Variants in MACROD2 observed in about 807,000 individuals in gnomAD.
MACROD2 encodes the protein mono-ADP ribosylhydrolase 2.
In MACROD2, 36 loss-of-function variants were observed where a neutral mutation model predicts 70.4. The observed-to-expected ratio is 0.51, with a 90% CI of 0.39 to 0.68. The LOEUF is 0.68. Ranked by LOEUF, MACROD2 falls within the 30% of genes least tolerant of loss-of-function variation. MACROD2 has a pLI of 0.00. For missense variants in MACROD2, 496 were observed against 538.4 expected (o/e 0.92, Z 0.78); for synonymous variants, 172 against 178.8 (o/e 0.96, Z 0.30).
chr20:15,574,825 G>C (rs571465482), intron 8 of MACROD2, among the ~76,000 whole-genome samples: 28 of 152,232 alleles, frequency 1.8e-4, no homozygotes, highest in East Asian at 1.5e-3. Context: ...TGAGCAAATG[G>C]CTGCATTTGT....
intron 6 of MACROD2, among the ~76,000 whole-genome samples, chr20:15,338,685 G>C (rs550356503): frequency 6.8e-6 from 1 of 147,684 alleles, no homozygotes; most frequent in Admixed American, 6.8e-5. Flanking sequence ...AACAGGCCTA[G>C]GGGGGTAAGT....
intron 8 of MACROD2, among the ~76,000 whole-genome samples, chr20:15,500,807 C>T (rs373598489): frequency 2.4e-4 from 36 of 152,280 alleles, no homozygotes; most frequent in African/African-American, 8.2e-4. Context: ...TTGTTGACCA[C>T]GTGGCCAAAC....
rs1357498719 is a variant in MACROD2 at position 15,862,774 on chromosome 20, A to T, written c.675A>T (p.Leu225Phe). 6.2e-7 allele frequency: 1 copy of T among 1,612,840 alleles called. No individual in the cohort carries two copies. Among genetic ancestry groups the T allele is most frequent in the Non-Finnish European group, 8.5e-7 (1 of 1,179,540 alleles). Residue 225 changes from leucine to phenylalanine, a missense_variant, in exon 9 of 18, where the codon TTA (leucine) becomes TTT (phenylalanine). Physicochemically the swap from Leu to Phe is conservative, Grantham distance 22 (BLOSUM62 0). Coordinates refer to ENST00000684519, the MANE Select transcript of MACROD2 (RefSeq NM_001351661.2). ...EVDRIIFCVF[L>F]EVDFKIYKKK... ...ATCGGATCATTTTCTGTGTCTTCTT[A>T]GAAGTTGACTTCAAAATCTACAAAA... is the stretch of plus-strand genomic sequence containing the variant.
At chr20:14,072,888 C>T (rs1419541513) in intron 2 of MACROD2, among the ~76,000 whole-genome samples, 2 of 148,896 alleles carry the variant, frequency 1.3e-5, no homozygotes, top group South Asian at 2.1e-4. Context: ...GAGCTGAGAT[C>T]GCATCACTGC....
intron 8 of MACROD2, among the ~76,000 whole-genome samples, chr20:15,832,354 G>A (rs1422175627): frequency 6.6e-6 from 1 of 152,128 alleles, no homozygotes; most frequent in Admixed American, 6.5e-5. Flanking sequence ...AAAGAAGACA[G>A]CCAAGTGGGA....
intron 5 of MACROD2, among the ~76,000 whole-genome samples, chr20:15,056,282 C>T (rs540908503): frequency 1.9e-4 from 29 of 152,288 alleles, no homozygotes; most frequent in African/African-American, 5.8e-4. Context: ...AACTTCGCCT[C>T]GTCCTGGCTA....
chr20:15,204,987 A>G (rs1480540186), intron 5 of MACROD2, among the ~76,000 whole-genome samples: 1 of 152,114 alleles, frequency 6.6e-6, no homozygotes, highest in Non-Finnish European at 1.5e-5. Flanking sequence ...ACCTTTAATT[A>G]CTCTACAGAT....
chr20:15,653,035 A>C (rs1166266245), intron 8 of MACROD2, among the ~76,000 whole-genome samples: 16 of 152,190 alleles, frequency 1.1e-4, no homozygotes. Flanking sequence ...GGAAAGATCT[A>C]AAAGATAATA....
rs572327134 is a variant in MACROD2 at position 16,012,561 on chromosome 20, G to A, written c.1153+25403G>A. Among the ~76,000 whole-genome samples, 66 of 152,266 alleles carry A rather than the reference G, an allele frequency of 4.3e-4. 1 individual carries two copies. The highest frequency in any genetic ancestry group is 8.5e-4 in the Admixed American group (13 of 15,298). ...TCTCAGGATGACGTTGGCCTTTCCCGCTTCTCAATGACTACAATGGTAATC... is the reference window on the plus strand; with the variant it reads ...TCTCAGGATGACGTTGGCCTTTCCCACTTCTCAATGACTACAATGGTAATC... On this transcript the variant is annotated intron_variant, in intron 15 of 17. Coordinates refer to ENST00000684519, the MANE Select transcript of MACROD2 (RefSeq NM_001351661.2).
At chr20:14,916,437 A>C (rs898318288) in intron 5 of MACROD2, among the ~76,000 whole-genome samples, 2 of 152,168 alleles carry the variant, frequency 1.3e-5, no homozygotes, top group Admixed American at 1.3e-4. Context: ...GCCAGTTACT[A>C]TCAGTGGGAC....
rs184924266 is a variant in MACROD2, at chr20:14,995,404, G to A, written c.419-234536G>A. Among the ~76,000 whole-genome samples, 26 of 152,042 alleles carry A rather than the reference G, an allele frequency of 1.7e-4. No individual in the cohort carries two copies. In the East Asian group the frequency reaches 3.9e-3, roughly 23 times the overall value. On this transcript the variant is annotated intron_variant, in intron 5 of 17. Coordinates refer to ENST00000684519, the MANE Select transcript of MACROD2 (RefSeq NM_001351661.2). ...CTAAATAGCCATATGGGTCAGGTGC[G>A]GTGGCTCACACCTGTAATCCCCACA...
chr20:15,153,304 T>G lies in MACROD2; in HGVS notation c.419-76636T>G, dbSNP rs368043949. On this transcript the variant is annotated intron_variant, in intron 5 of 17. Coordinates refer to ENST00000684519, the MANE Select transcript of MACROD2 (RefSeq NM_001351661.2). ...ATTTTATAGGATTTGGGTAGGTAAA[T>G]GAAAAAGGGGGGTTGTTCTCTGGCA... 2.0e-3 allele frequency among the ~76,000 whole-genome samples: 300 copies of G among 151,122 alleles called. 1 individual carries two copies. The highest frequency in any genetic ancestry group is 7.9e-3 in the South Asian group (38 of 4,792).
chr20:14,260,395 T>C (rs990850086), intron 3 of MACROD2, among the ~76,000 whole-genome samples: 1 of 152,244 alleles, frequency 6.6e-6, no homozygotes, highest in Non-Finnish European at 1.5e-5. Flanking sequence ...TAATGTCATG[T>C]CTGCCTTTCT....
Position 14,558,564 on chromosome 20 carries a change from G to A in MACROD2, c.301+65056G>A, listed in dbSNP as rs532234325. ...TATATTCTTACCGATAAACTTCAGA[G>A]GAGAGAAACATTATTAGAGCTAAAG... is the stretch of plus-strand genomic sequence containing the variant. On this transcript the variant is annotated intron_variant, in intron 4 of 17. Transcript: ENST00000684519. Among the ~76,000 whole-genome samples, 152 of 151,716 alleles carry A rather than the reference G, an allele frequency of 1.0e-3. 1 individual carries two copies. Among genetic ancestry groups the A allele is most frequent in the African/African-American group, 3.4e-3 (141 of 41,482 alleles).
At chr20:15,431,845 T>G (rs2046367402) in intron 7 of MACROD2, among the ~76,000 whole-genome samples, 1 of 152,060 alleles carries the variant, frequency 6.6e-6, no homozygotes, top group Non-Finnish European at 1.5e-5. Flanking sequence ...CATATGCATA[T>G]ATCTGTGTTT....
intron 2 of MACROD2, among the ~76,000 whole-genome samples, chr20:14,066,805 ATTTTTTTT>A (rs34648174): frequency 8.6e-5 from 9 of 104,132 alleles, no homozygotes; most frequent in Non-Finnish European, 1.5e-4. Context: ...TGTTTTAGTG[ATTTTTTTT>A]TTTTTTTTTT....
At chr20:15,123,945 C>T (rs1001681119) in intron 5 of MACROD2, among the ~76,000 whole-genome samples, 1 of 152,118 alleles carries the variant, frequency 6.6e-6, no homozygotes, top group African/African-American at 2.4e-5. Flanking sequence ...TAGCTCATTA[C>T]ATAAAACTTT....
chr20:15,360,313 A>G lies in MACROD2; in HGVS notation c.541-71092A>G, dbSNP rs570189303. ...ACTATTACAAATAAAAGTTACTGTG[A>G]ACATTTATGTGCAGGTTTTTGTGAA... is the stretch of plus-strand genomic sequence containing the variant. On this transcript the variant is annotated intron_variant, in intron 6 of 17. Transcript: ENST00000684519. Among the ~76,000 whole-genome samples, 208 of 152,244 alleles carry G rather than the reference A, an allele frequency of 1.4e-3. 1 individual carries two copies. The highest frequency in any genetic ancestry group is 4.8e-3 in the African/African-American group (198 of 41,548).
chr20:14,317,159 A>G (rs977954938), intron 3 of MACROD2, among the ~76,000 whole-genome samples: 2 of 152,092 alleles, frequency 1.3e-5, no homozygotes, highest in African/African-American at 2.4e-5. Flanking sequence ...AACACTGTTC[A>G]TTTTACTCTT....
Sources: allele counts gnomAD v4.1 joint callset (sites outside exome capture counted in the v4.1 genomes callset), GRCh38; gene constraint gnomAD v4.1.1; transcripts MANE v1.5; gene names NCBI Gene and HGNC (gene_info 2026-07-23, HGNC 2026-07-21).